TRIM71: variants seen among roughly 807,000 people sequenced by gnomAD.
TRIM71 encodes the protein E3 ubiquitin-protein ligase TRIM71.
A neutral mutation model predicts 61.2 loss-of-function variants in TRIM71; 9 were observed. The ratio of observed to expected loss-of-function variants is 0.15; its 90% confidence interval spans 0.09 to 0.26. TRIM71 has a LOEUF of 0.26. TRIM71 is among the 10% of genes least tolerant of loss of function. TRIM71 has a pLI of 1.00. For missense variants in TRIM71, 998 were observed against 1,238.7 expected, an observed-to-expected ratio of 0.81 and a Z score of 2.92; for synonymous variants, 645 against 553.2, an observed-to-expected ratio of 1.17 and a Z score of -2.33.
At chr3:32,839,973 A>G (rs143045501) in intron 1 of TRIM71, among the ~76,000 whole-genome samples, 14 of 152,330 alleles carry the variant, frequency 9.2e-5, no homozygotes, top group African/African-American at 2.6e-4. Flanking sequence ...CAAATGTTCA[A>G]CTAATGTTTA....
At position 32,852,119 on chromosome 3, in the gene TRIM71, C is replaced by G. The variant is rs531458263; in HGVS notation, c.853-21699C>G. 1.4e-3 allele frequency among the ~76,000 whole-genome samples: 218 copies of G among 152,276 alleles called. 1 individual carries two copies. Among genetic ancestry groups the G allele is most frequent in the African/African-American group, 4.9e-3 (204 of 41,548 alleles). On this transcript the variant is annotated intron_variant, in intron 1 of 3. Transcript: ENST00000383763. ...AGCTTGGACCAGGCTGTTTTATGGT[C>G]GGTCCTCGGCCTTGGACCAAACTGG...
intron 1 of TRIM71, among the ~76,000 whole-genome samples, chr3:32,866,549 A>G (rs1034992499): frequency 6.6e-6 from 1 of 152,146 alleles, no homozygotes; most frequent in Admixed American, 6.5e-5. Context: ...TTTGTGTGTT[A>G]TTAGTAAGAG....
intron 1 of TRIM71, among the ~76,000 whole-genome samples, chr3:32,871,711 A>G (rs1380724936): frequency 2.0e-5 from 3 of 152,372 alleles, no homozygotes; most frequent in Non-Finnish European, 4.4e-5. Context: ...TCTGAAGGAT[A>G]GATCAGCTTT....
intron 2 of TRIM71, among the ~76,000 whole-genome samples, chr3:32,882,920 A>G (rs1419923232): frequency 6.6e-6 from 1 of 152,248 alleles, no homozygotes; most frequent in Non-Finnish European, 1.5e-5. Context: ...TCTCAGAATT[A>G]GCTGGATGTA....
At position 32,818,838 on chromosome 3, in the gene TRIM71, AGCTCGG is replaced by A. The variant is rs770012199; in HGVS notation, c.767_772del (p.Leu256_Gly257del). ...CCCGGTGCCGCAGCAGCGGCGCAGC[AGCTCGG>A]GCTCGGGCCGCCCTTTCCCGGCCCG... On this transcript the variant is annotated inframe_deletion, in exon 1 of 4. Transcript: ENST00000383763. The A allele has an allele frequency of 9.9e-6, 16 of 1,611,876 alleles. No homozygotes were observed. The highest frequency in any genetic ancestry group is 1.4e-5 in the Non-Finnish European group (16 of 1,179,492).
Position 32,891,271 on chromosome 3 carries a change from G to A in TRIM71, c.2067G>A (p.Lys689=), listed in dbSNP as rs1306247502. 28 of 1,613,816 alleles carry A rather than the reference G, an allele frequency of 1.7e-5. No individual in the cohort carries two copies. Among genetic ancestry groups the A allele is most frequent in the African/African-American group, 2.7e-5 (2 of 74,922 alleles). ...IFTFEGQFLL[K]FGEKGTKNGQ... Reference sequence around the variant, plus strand: ...CGTTCGAGGGCCAGTTCCTCCTCAAGTTTGGTGAGAAAGGAACCAAGAATG... The same window carrying A: ...CGTTCGAGGGCCAGTTCCTCCTCAAATTTGGTGAGAAAGGAACCAAGAATG... The change falls in exon 4 of 4, where the codon AAG becomes AAA. Residue 689 remains lysine, a synonymous_variant. Transcript: ENST00000383763. The surrounding 1 kb of genome is among the most constrained non-coding windows in gnomAD (Gnocchi z 8.2).
rs758743058 is a variant in TRIM71 at position 32,891,710 on chromosome 3, A to G, written c.2506A>G (p.Ser836Gly). ...SFLCKFGAQG[S>G]GFGQMDRPSG... ...CCTGTGCAAGTTTGGTGCTCAAGGC[A>G]GCGGCTTTGGGCAGATGGACCGCCC... The change falls in exon 4 of 4, where the codon AGC becomes GGC. Residue 836 changes from serine to glycine, a missense_variant. Ser to Gly is a moderately conservative substitution (Grantham distance 56). This residue lies in a region of TRIM71 where 95 missense variants were observed against 159.0 expected (regional missense o/e 0.60). Coordinates refer to ENST00000383763, the MANE Select transcript of TRIM71 (RefSeq NM_001039111.3). The surrounding 1 kb of genome is among the most constrained non-coding windows in gnomAD (Gnocchi z 8.2). The G allele has an allele frequency of 1.2e-6, 2 of 1,614,174 alleles. No homozygotes were observed. The highest frequency in any genetic ancestry group is 1.7e-6 in the Non-Finnish European group (2 of 1,180,018).
In TRIM71 at chr3:32,873,762, CCCT is replaced by C; in HGVS notation, c.853-47_853-45del. 5.7e-6 allele frequency: 8 copies of C among 1,402,602 alleles called. 1 individual carries two copies. The highest frequency in any genetic ancestry group is 5.1e-5 in the East Asian group (2 of 39,552). The allele number at this position is 1,402,602 out of a possible 1,614,324, so 86.9% of individuals were successfully genotyped here. On this transcript the variant is annotated intron_variant, in intron 1 of 3. Coordinates refer to ENST00000383763, the MANE Select transcript of TRIM71 (RefSeq NM_001039111.3). Reference sequence around the variant, plus strand: ...GCCAGGGCCCTCCAGTTGCTGTCTTCCCTCCTCCTCCCGTCCTGCATCTCCATT... The same window carrying C: ...GCCAGGGCCCTCCAGTTGCTGTCTTCCCTCCTCCCGTCCTGCATCTCCATT...
At chr3:32,865,767 G>A (rs903861965) in intron 1 of TRIM71, among the ~76,000 whole-genome samples, 1 of 136,664 alleles carries the variant, frequency 7.3e-6, no homozygotes, top group Non-Finnish European at 1.5e-5. Context: ...TTCACTATCT[G>A]GACCTTTTAA....
chr3:32,894,327 A>G lies in TRIM71; in HGVS notation c.*2516A>G, dbSNP rs62253765. On this transcript the variant is annotated 3_prime_UTR_variant, in exon 4 of 4. Transcript: ENST00000383763. ...GATGTAGGAAAATTTTGGGACCTGA[A>G]TGAGAAATGTTCTTGGTGCATAACA... The G allele has an allele frequency of 0.34, 51,176 of 152,092 alleles. 9,661 individuals carry two copies. Among genetic ancestry groups the G allele is most frequent in the Middle Eastern group, 0.45 (133 of 294 alleles). 9.4% of individuals were successfully genotyped at this position (152,092 alleles called of 1,614,324 possible).
intron 1 of TRIM71, among the ~76,000 whole-genome samples, chr3:32,862,796 G>A (rs1252000902): frequency 1.3e-5 from 2 of 152,182 alleles, no homozygotes; most frequent in African/African-American, 4.8e-5. Flanking sequence ...ATGCATGCCG[G>A]GGCGGCAGCT....
chr3:32,826,768 G>GT (rs1180282313), intron 1 of TRIM71, among the ~76,000 whole-genome samples: 11 of 151,080 alleles, frequency 7.3e-5, no homozygotes, highest in Non-Finnish European at 1.5e-4. Flanking sequence ...TGTTTTGTTT[G>GT]TTTTTTTGAG....
intron 1 of TRIM71, among the ~76,000 whole-genome samples, chr3:32,856,747 G>C (rs1696609590): frequency 6.6e-6 from 1 of 152,198 alleles, no homozygotes; most frequent in Admixed American, 6.5e-5. Flanking sequence ...CCCGGGGCAG[G>C]AGTGCCTTCT....
chr3:32,896,714 A>G lies in TRIM71; in HGVS notation c.*4903A>G, dbSNP rs1273994995. 1 of 152,200 alleles carries G rather than the reference A, an allele frequency of 6.6e-6. No individual in the cohort carries two copies. 9.4% of individuals were successfully genotyped at this position (152,200 alleles called of 1,614,324 possible). On this transcript the variant is annotated 3_prime_UTR_variant, in exon 4 of 4. Coordinates refer to ENST00000383763, the MANE Select transcript of TRIM71 (RefSeq NM_001039111.3). ...TCATCATTTAACCAATAATGGTTCT[A>G]AAAGTTTTGTGTATCCACATGGTCT...
intron 1 of TRIM71, among the ~76,000 whole-genome samples, chr3:32,843,240 C>CTG (rs1225631377): frequency 6.6e-6 from 1 of 152,166 alleles, no homozygotes; most frequent in African/African-American, 2.4e-5. Context: ...AAGATCTGGC[C>CTG]TGCATGGTAG....
intron 1 of TRIM71, among the ~76,000 whole-genome samples, chr3:32,853,517 T>C (rs1406108108): frequency 2.0e-5 from 3 of 152,238 alleles, no homozygotes; most frequent in Non-Finnish European, 4.4e-5. Context: ...TCCAGTCTCA[T>C]GTGGTGCTAT....
intron 3 of TRIM71, among the ~76,000 whole-genome samples, chr3:32,889,737 C>T (rs1302804826): frequency 6.6e-6 from 1 of 151,960 alleles, no homozygotes; most frequent in Non-Finnish European, 1.5e-5. Flanking sequence ...TTACAGGCAC[C>T]TGTTACCACA....
intron 1 of TRIM71, among the ~76,000 whole-genome samples, chr3:32,869,000 A>T (rs1696769610): frequency 6.6e-6 from 1 of 152,222 alleles, no homozygotes; most frequent in Non-Finnish European, 1.5e-5. Flanking sequence ...TATCTCAGTC[A>T]AGTAAAGCGT....
chr3:32,853,114 CTCTCTCT>C (rs1383021388), intron 1 of TRIM71, among the ~76,000 whole-genome samples: 12 of 41,436 alleles, frequency 2.9e-4, no homozygotes, highest in East Asian at 3.7e-3. Flanking sequence ...TTCTCTCTCT[CTCTCTCT>C]TTTTTTTTTT....
Sources: allele counts gnomAD v4.1 joint callset (sites outside exome capture counted in the v4.1 genomes callset), GRCh38; gene constraint gnomAD v4.1.1; regional missense constraint gnomAD v4.1.1; non-coding constraint Gnocchi (gnomAD v3.1); transcripts MANE v1.5; gene names NCBI Gene and HGNC (gene_info 2026-07-23, HGNC 2026-07-21).